The following NEBL variants were observed in gnomAD, a reference collection of about 807,000 sequenced individuals.
NEBL encodes nebulette.
Under a neutral mutation model 140.2 loss-of-function variants are expected in NEBL, and 122 were observed. The observed-to-expected ratio is 0.87, with a 90% confidence interval of 0.75 to 1.01. The LOEUF (loss-of-function observed/expected upper bound fraction) is 1.01. NEBL is among the 50% of genes least tolerant of loss of function. The probability of loss-of-function intolerance (pLI) is 0.00; values close to 1 mark genes in which losing one functional copy is unlikely to be tolerated. For missense variants in NEBL, 1,365 were observed against 1,231.3 expected, an observed-to-expected ratio of 1.11 and a Z score of -1.62; for synonymous variants, 436 against 398.9, an observed-to-expected ratio of 1.09 and a Z score of -1.11.
intron 4 of NEBL, among the ~76,000 whole-genome samples, chr10:20,918,908 T>C (rs1187023724): frequency 6.6e-6 from 1 of 151,986 alleles, no homozygotes; most frequent in Non-Finnish European, 1.5e-5. Flanking sequence ...TCTCTTAAAA[T>C]CGTTCCCACT....
chr10:20,815,177 C>A (rs879879448), intron 22 of NEBL, among the ~76,000 whole-genome samples: 3 of 152,186 alleles, frequency 2.0e-5, no homozygotes, highest in Non-Finnish European at 2.9e-5. Flanking sequence ...CTGAATTCTA[C>A]GTTAACTGTA....
intron 2 of NEBL, among the ~76,000 whole-genome samples, chr10:21,122,786 A>C (rs539613775): frequency 6.6e-6 from 1 of 152,286 alleles, no homozygotes; most frequent in South Asian, 2.1e-4. Flanking sequence ...TGACAGATCA[A>C]TTTCCTAAGG....
At chr10:20,993,190 G>C (rs1043159672) in intron 3 of NEBL, among the ~76,000 whole-genome samples, 12 of 151,994 alleles carry the variant, frequency 7.9e-5, no homozygotes, top group African/African-American at 2.4e-4. Flanking sequence ...ATTAAATAGG[G>C]GTGTCTAATT....
At chr10:21,113,130 G>A (rs140078169) in intron 2 of NEBL, 48 of 260,552 alleles carry the variant, frequency 1.8e-4, no homozygotes, top group African/African-American at 1.0e-3. Flanking sequence ...GGAGGAGGAG[G>A]GAAGAGGAGG....
rs2131595516 is a variant in NEBL at position 20,780,013 on chromosome 10, A to C, written c.*5734T>G. 1 of 152,334 alleles carries C rather than the reference A, an allele frequency of 6.6e-6. No individual in the cohort carries two copies. Among genetic ancestry groups the C allele is most frequent in the Non-Finnish European group, 1.5e-5 (1 of 68,036 alleles). The allele number at this position is 152,334 out of a possible 1,614,324, so 9.4% of individuals were successfully genotyped here. A position where few individuals can be genotyped will look rare whatever the true frequency, so the allele number is the denominator to read the frequency against. On this transcript the variant is annotated 3_prime_UTR_variant, in exon 28 of 28. Transcript: ENST00000377122. ...TATTCTACGAGCAGATGTCATCCGC[A>C]AAGTTTATCAATTTACAATTAGGAA...
intron 4 of NEBL, among the ~76,000 whole-genome samples, chr10:20,949,631 T>C (rs775044778): frequency 1.3e-5 from 2 of 152,234 alleles, no homozygotes; most frequent in South Asian, 2.1e-4. Context: ...TTTAAGATAC[T>C]GATTTTTTTT....
At chr10:21,273,700 C>CCAGTTTG (rs1842885255) in intron 1 of NEBL, among the ~76,000 whole-genome samples, 1 of 152,218 alleles carries the variant, frequency 6.6e-6, no homozygotes, top group African/African-American at 2.4e-5. Context: ...TCTAGTCCTG[C>CCAGTTTG]CCTCAGGGGC....
At chr10:20,946,515 G>A (rs1249916183) in intron 4 of NEBL, among the ~76,000 whole-genome samples, 1 of 152,116 alleles carries the variant, frequency 6.6e-6, no homozygotes. Flanking sequence ...AGGCTGAAGT[G>A]CAGTAGTGTG....
chr10:20,953,666 C>T lies in NEBL; in HGVS notation c.357+8006G>A, dbSNP rs202223565. On this transcript the variant is annotated intron_variant, in intron 4 of 6. Coordinates refer to the NEBL transcript ENST00000417816. ...ATGTTGCTACAATCCTTTGATAAAA[C>T]TATAGAAGTCACTGAATATTTAAGG... Among the ~76,000 whole-genome samples the T allele has an allele frequency of 5.5e-3, 835 of 152,008 alleles. 7 individuals are homozygous for T. The highest frequency in any genetic ancestry group is 0.018 in the African/African-American group (733 of 41,446).
At chr10:21,071,612 T>C (rs1363136776) in intron 2 of NEBL, among the ~76,000 whole-genome samples, 1 of 152,160 alleles carries the variant, frequency 6.6e-6, no homozygotes, top group Non-Finnish European at 1.5e-5. Context: ...GCAGTGGCTG[T>C]TCTTTTTAAA....
intron 1 of NEBL, among the ~76,000 whole-genome samples, chr10:21,288,180 T>C (rs1364966792): frequency 1.3e-5 from 2 of 152,178 alleles, no homozygotes; most frequent in Non-Finnish European, 2.9e-5. Flanking sequence ...ATGAAAATCA[T>C]TGCTGCCAGC....
At chr10:20,862,459 C>T (rs374361615) in intron 7 of NEBL, among the ~76,000 whole-genome samples, 1 of 152,144 alleles carries the variant, frequency 6.6e-6, no homozygotes, top group Non-Finnish European at 1.5e-5. Context: ...GTAAAATGAA[C>T]TAAGATCACC....
At chr10:21,185,110 C>T (rs545381081) in intron 3 of NEBL, among the ~76,000 whole-genome samples, 6 of 152,320 alleles carry the variant, frequency 3.9e-5, no homozygotes, top group African/African-American at 1.4e-4. Context: ...TGGTATGTCT[C>T]TTGCTCCATT....
rs149267205 is a variant in NEBL, at chr10:20,917,037, A to G, written c.357+44635T>C. ...ACTATTATTTAGTGAAAGGGACTGT[A>G]TACTGAAAAAAAATACATTCTGTGC... On this transcript the variant is annotated intron_variant, in intron 4 of 6. Coordinates refer to the NEBL transcript ENST00000417816. Among the ~76,000 whole-genome samples, 952 of 152,348 alleles carry G rather than the reference A, an allele frequency of 6.2e-3. 9 individuals are homozygous for G. Among genetic ancestry groups the G allele is most frequent in the African/African-American group, 0.022 (900 of 41,582 alleles).
chr10:20,969,348 T>C (rs1263354230), intron 3 of NEBL, among the ~76,000 whole-genome samples: 2 of 151,944 alleles, frequency 1.3e-5, no homozygotes, highest in Non-Finnish European at 2.9e-5. Context: ...TGTCCATAGA[T>C]TTCTAAGCTT....
At chr10:20,887,855 C>T (rs1846664823) in intron 4 of NEBL, among the ~76,000 whole-genome samples, 2 of 152,146 alleles carry the variant, frequency 1.3e-5, no homozygotes, top group Admixed American at 6.5e-5. Flanking sequence ...TTAAGATTTG[C>T]TCTATAAATT....
chr10:20,874,941 G>A (rs528462286), intron 5 of NEBL, among the ~76,000 whole-genome samples: 2 of 152,130 alleles, frequency 1.3e-5, no homozygotes, highest in East Asian at 1.9e-4. Flanking sequence ...GGTTTATCAT[G>A]TTGGCCAGGT....
chr10:21,178,118 T>G (rs1369656897), upstream of NEBL, among the ~76,000 whole-genome samples: 1 of 152,240 alleles, frequency 6.6e-6, no homozygotes, highest in African/African-American at 2.4e-5. Flanking sequence ...TAATGAAGCA[T>G]TTCTCCAAAG....
In NEBL at chr10:20,835,692, C is replaced by G. The variant is rs1326496726; in HGVS notation, c.1339-69G>C. 3.8e-6 allele frequency: 4 copies of G among 1,057,320 alleles called. No individual in the cohort carries two copies. The South Asian group carries it at 5.1e-5, about 13-fold the overall frequency. The allele number at this position is 1,057,320 out of a possible 1,614,324, so 65.5% of individuals were successfully genotyped here. On this transcript the variant is annotated intron_variant, in intron 13 of 27. Coordinates refer to ENST00000377122, the MANE Select transcript of NEBL (RefSeq NM_006393.3). The stretch of plus-strand genomic sequence containing the variant: ...AAACATGCATCTGCAGTCAATGATA[C>G]TAAAAAAAAAATAGTTAGACATATT...
Sources: gnomAD v4.1 joint callset for allele counts (sites outside exome capture counted in the v4.1 genomes callset) on GRCh38, gnomAD v4.1.1 for gene constraint, MANE v1.5 for transcripts, NCBI Gene and HGNC (gene_info 2026-07-23, HGNC 2026-07-21) for gene names.